ACAN: variants seen among roughly 807,000 people sequenced by gnomAD.
The protein encoded by ACAN is aggrecan.
ACAN carries 47 observed loss-of-function variants against 169.1 expected under a neutral mutation model. The ratio of observed to expected loss-of-function variants is 0.28; its 90% CI spans 0.22 to 0.35. The LOEUF (loss-of-function observed/expected upper bound fraction) is 0.35, where lower values mean the gene tolerates loss of function less well. ACAN is among the 10% of genes least tolerant of loss of function. The pLI, the probability that ACAN is intolerant of heterozygous loss-of-function variation, is 1.00. For missense variants in ACAN, 2,716 were observed against 2,759.9 expected, an observed-to-expected ratio of 0.98 and a Z score of 0.36; for synonymous variants, 1,115 against 1,112.2, an observed-to-expected ratio of 1.00 and a Z score of -0.05.
rs1032533212 is a variant in ACAN at position 88,868,591 on chromosome 15, G to A, written c.7060+262G>A. Reference sequence around the variant, plus strand: ...TTCCAGATCTACTGATGCCACCACCGAGGTTGGTGTATGGTTCAGACTAAG... The same window carrying A: ...TTCCAGATCTACTGATGCCACCACCAAGGTTGGTGTATGGTTCAGACTAAG... On this transcript the variant is annotated intron_variant, in intron 14 of 18. Coordinates refer to ENST00000560601, the MANE Select transcript of ACAN (RefSeq NM_001369268.1). The surrounding 1 kb of genome is among the most constrained non-coding windows in gnomAD (Gnocchi z 5.2). Among the ~76,000 whole-genome samples the A allele has an allele frequency of 8.5e-5, 13 of 152,166 alleles. No individual in the cohort carries two copies. The highest frequency in any genetic ancestry group is 1.9e-4 in the African/African-American group (8 of 41,442).
In ACAN at chr15:88,806,626, G is replaced by A. The variant is rs571626968; in HGVS notation, c.-8+2817G>A. ...AGCCTCCCAAAATGCTAGGATTCAG[G>A]CGTGAGCCACCATGCCCAGCCAGTG... is the stretch of plus-strand genomic sequence containing the variant. On this transcript the variant is annotated intron_variant, in intron 1 of 18. Transcript: ENST00000560601. Among the ~76,000 whole-genome samples the A allele has an allele frequency of 3.5e-4, 53 of 152,248 alleles. 1 individual carries two copies. The East Asian group carries it at 9.5e-3, about 27-fold the overall frequency.
Position 88,847,276 on chromosome 15 carries a change from G to C in ACAN, c.1463G>C (p.Arg488Pro), listed in dbSNP as rs202205582. ...VVFHYRPGPT[R>P]YSLTFEEAQQ... ...TTCCACTACCGCCCGGGACCCACCC[G>C]CTACTCGCTGACCTTTGAGGAGGCA... Residue 488 changes from arginine to proline, a missense_variant, in exon 8 of 19, where the codon CGC (arginine) becomes CCC (proline). Around this residue, in one of 3 missense-constraint regions of ACAN, gnomAD observed 1,283 missense variants for 1,281.5 expected, o/e 1.00. Coordinates refer to ENST00000560601, the MANE Select transcript of ACAN (RefSeq NM_001369268.1). 1 of 1,565,398 alleles carries C rather than the reference G, an allele frequency of 6.4e-7. No homozygotes were observed. The highest frequency in any genetic ancestry group is 8.6e-7 in the Non-Finnish European group (1 of 1,156,252).
rs770907585 is a variant in ACAN at position 88,838,499 on chromosome 15, G to A, written c.71-164G>A. 6.6e-6 allele frequency among the ~76,000 whole-genome samples: 1 copy of A among 152,134 alleles called. No homozygotes were observed. The highest frequency in any genetic ancestry group is 1.5e-5 in the Non-Finnish European group (1 of 68,032). ...TGGAAAGGGCGTGGCAAGCCTTTCT[G>A]GGAATTCCCACATGACACGGGAGCA... On this transcript the variant is annotated intron_variant, in intron 2 of 18. Coordinates refer to ENST00000560601, the MANE Select transcript of ACAN (RefSeq NM_001369268.1). The surrounding 1 kb of genome is among the most constrained non-coding windows in gnomAD (Gnocchi z 5.1).
At chr15:88,828,332 G>C (rs1466805980) in intron 1 of ACAN, among the ~76,000 whole-genome samples, 1 of 152,150 alleles carries the variant, frequency 6.6e-6, no homozygotes, top group Non-Finnish European at 1.5e-5. Flanking sequence ...CGGCAGTCAG[G>C]TAACAAGTAT....
At chr15:88,831,754 G>A (rs913240149) in intron 1 of ACAN, among the ~76,000 whole-genome samples, 2 of 152,200 alleles carry the variant, frequency 1.3e-5, no homozygotes, top group African/African-American at 4.8e-5. Context: ...TCTGTAAAAT[G>A]AAGAAGTTAG....
chr15:88,845,108 A>T (rs749980441), intron 6 of ACAN, among the ~76,000 whole-genome samples: 32 of 152,114 alleles, frequency 2.1e-4, no homozygotes, highest in Non-Finnish European at 3.7e-4. Flanking sequence ...AGATTTTCTG[A>T]TTTCTCCTTA....
intron 1 of ACAN, among the ~76,000 whole-genome samples, chr15:88,824,506 C>G (rs763446667): frequency 1.3e-5 from 2 of 152,134 alleles, no homozygotes; most frequent in Non-Finnish European, 2.9e-5. Flanking sequence ...CAAAAAAACT[C>G]CCTGCCCTCA....
chr15:88,808,845 G>A (rs1407345400), intron 1 of ACAN, among the ~76,000 whole-genome samples: 1 of 152,158 alleles, frequency 6.6e-6, no homozygotes, highest in Non-Finnish European at 1.5e-5. Flanking sequence ...GAGGGGATAG[G>A]ACAAGAAGGA....
chr15:88,843,331 C>A lies in ACAN; in HGVS notation c.758-24C>A. Reference sequence around the variant, plus strand: ...AGGGGGAGGGGGGAGAAGACCCTTACCCAGCTGGCTGTGTCCTTCACAGGT... The same window carrying A: ...AGGGGGAGGGGGGAGAAGACCCTTAACCAGCTGGCTGTGTCCTTCACAGGT... On this transcript the variant is annotated intron_variant, in intron 5 of 18. Transcript: ENST00000560601. The surrounding 1 kb of genome is among the most constrained non-coding windows in gnomAD (Gnocchi z 4.0). 6.5e-7 allele frequency: 1 copy of A among 1,544,578 alleles called. No individual in the cohort carries two copies. The highest frequency in any genetic ancestry group is 8.8e-7 in the Non-Finnish European group (1 of 1,139,866).
rs1477719170 is a variant in ACAN, at chr15:88,841,845, C to T, written c.735C>T (p.Tyr245=). ...ACACCAACGAGACCTATGATGTGTACTGCTTCGCCGAGGAGATGGAGGGTG... is the reference window on the plus strand; with the variant it reads ...ACACCAACGAGACCTATGATGTGTATTGCTTCGCCGAGGAGATGGAGGGTG... ...IRDTNETYDV[Y]CFAEEMEGEV... Residue 245 remains tyrosine (Y), a synonymous_variant, in exon 5 of 19, where the codon TAC becomes TAT. Coordinates refer to ENST00000560601, the MANE Select transcript of ACAN (RefSeq NM_001369268.1). The T allele has an allele frequency of 1.2e-6, 2 of 1,613,404 alleles. No individual in the cohort carries two copies. Among genetic ancestry groups the T allele is most frequent in the Admixed American group, 3.3e-5 (2 of 59,970 alleles).
intron 2 of ACAN, among the ~76,000 whole-genome samples, chr15:88,837,887 T>TA (rs202049666): frequency 0.049 from 6,395 of 129,498 alleles, 436 homozygotes; most frequent in African/African-American, 0.19. Context: ...TGAAAGGTGC[T>TA]TTTTTTTTTT....
At chr15:88,833,270 C>G (rs1464150) in intron 1 of ACAN, among the ~76,000 whole-genome samples, 6,592 of 152,268 alleles carry the variant, frequency 0.043, 222 homozygotes, top group Non-Finnish European at 0.07. Flanking sequence ...TTTCCCCTAC[C>G]AAATCTCCAC....
chr15:88,849,479 C>G lies in ACAN; in HGVS notation c.1774C>G (p.Gln592Glu). ...CACACGCCTTGAGCAGTTCACCTTC[C>G]AGGAAGCACTGGAGTTCTGTGAATC... The part of the protein sequence containing the change: ...FATRLEQFTF[Q>E]EALEFCESHN... Residue 592 changes from glutamine (Q) to glutamate (E), a missense_variant, in exon 10 of 19, where the codon CAG becomes GAG. This residue lies in a region of ACAN where 1,283 missense variants were observed against 1,281.5 expected (regional missense o/e 1.00). Coordinates refer to ENST00000560601, the MANE Select transcript of ACAN (RefSeq NM_001369268.1). This position sits in a 1 kb window ranked among gnomAD's most constrained non-coding sequence, Gnocchi z 5.1. 1 of 1,605,888 alleles carries G rather than the reference C, an allele frequency of 6.2e-7. No homozygotes were observed. Among genetic ancestry groups the G allele is most frequent in the Non-Finnish European group, 8.5e-7 (1 of 1,174,838 alleles).
chr15:88,858,657 C>T lies in ACAN; in HGVS notation c.6072C>T (p.Thr2024=). The T allele has an allele frequency of 6.2e-7, 1 of 1,613,972 alleles. No homozygotes were observed. ...GAGAATCCTCTGTAGCCATGGGCAC[C>T]AGTGGAGAGGCCTCAGGACTTCCAG... ...VSGESSVAMG[T]SGEASGLPEV... is the part of the protein sequence containing the mutation. The change falls in exon 12 of 19, where the codon ACC becomes ACT. Residue 2024 remains threonine (T), a synonymous_variant. Coordinates refer to ENST00000560601, the MANE Select transcript of ACAN (RefSeq NM_001369268.1). The surrounding 1 kb of genome is among the most constrained non-coding windows in gnomAD (Gnocchi z 4.0).
chr15:88,822,442 A>G (rs926779575), intron 1 of ACAN, among the ~76,000 whole-genome samples: 2 of 151,970 alleles, frequency 1.3e-5, no homozygotes, highest in African/African-American at 4.8e-5. Flanking sequence ...TCTCAAAGAG[A>G]ACCATGATCC....
In ACAN at chr15:88,849,225, G is replaced by A. The variant is rs747816040; in HGVS notation, c.1733-213G>A. 5.9e-5 allele frequency among the ~76,000 whole-genome samples: 9 copies of A among 152,172 alleles called. No individual in the cohort carries two copies. The highest frequency in any genetic ancestry group is 8.8e-5 in the Non-Finnish European group (6 of 68,030). On this transcript the variant is annotated intron_variant, in intron 9 of 18. Transcript: ENST00000560601. This position sits in a 1 kb window ranked among gnomAD's most constrained non-coding sequence, Gnocchi z 5.1. Reference sequence around the variant, plus strand: ...TTGGCACCGAAAGTCCTATGTACCGGGAAACCCCAGTCCAGTACAAACCAG... The same window carrying A: ...TTGGCACCGAAAGTCCTATGTACCGAGAAACCCCAGTCCAGTACAAACCAG...
intron 13 of ACAN, among the ~76,000 whole-genome samples, 163 bp downstream of exon 13, chr15:88,860,602 A>C (rs964100433): frequency 1.3e-5 from 2 of 152,240 alleles, no homozygotes; most frequent in Admixed American, 1.3e-4. Context: ...CACAGGACAG[A>C]CATGGCTTAT....
intron 1 of ACAN, among the ~76,000 whole-genome samples, chr15:88,820,288 C>G (rs1242575237): frequency 1.3e-5 from 2 of 152,152 alleles, no homozygotes; most frequent in East Asian, 1.9e-4. Context: ...CGTGCTCCTG[C>G]TGTGATCGAG....
At chr15:88,865,447 T>C (rs1897264283) in intron 13 of ACAN, among the ~76,000 whole-genome samples, 1 of 152,132 alleles carries the variant, frequency 6.6e-6, no homozygotes, top group Non-Finnish European at 1.5e-5. Flanking sequence ...TCTTTTCTGT[T>C]TTGTTTTTAC....
Sources: allele counts gnomAD v4.1 joint callset (sites outside exome capture counted in the v4.1 genomes callset), GRCh38; gene constraint gnomAD v4.1.1; regional missense constraint gnomAD v4.1.1; non-coding constraint Gnocchi (gnomAD v3.1); transcripts MANE v1.5; gene names NCBI Gene and HGNC (gene_info 2026-07-23, HGNC 2026-07-21).